Variants in SGCZ observed in about 807,000 individuals in gnomAD.
The protein encoded by SGCZ is sarcoglycan zeta.
Under a neutral mutation model 41.3 loss-of-function variants are expected in SGCZ, and 40 were observed. The observed-to-expected ratio is 0.97, with a 90% confidence interval of 0.75 to 1.26. SGCZ has a LOEUF of 1.26. Ranked by LOEUF, SGCZ falls within the 50% of genes most tolerant of loss-of-function variation. The pLI, the probability that SGCZ is intolerant of heterozygous loss-of-function variation, is 0.00. For missense variants in SGCZ, 552 were observed against 369.8 expected (o/e 1.49, Z -4.04); for synonymous variants, 206 against 137.5 (o/e 1.50, Z -3.49).
At chr8:14,568,813 C>T (rs1804463446) in intron 1 of SGCZ, among the ~76,000 whole-genome samples, 1 of 152,176 alleles carries the variant, frequency 6.6e-6, no homozygotes, top group Non-Finnish European at 1.5e-5. Context: ...TCATTACATC[C>T]ATGGGCTTCA....
At chr8:14,582,667 C>T (rs1480887160) in intron 1 of SGCZ, among the ~76,000 whole-genome samples, 5 of 116,608 alleles carry the variant, frequency 4.3e-5, no homozygotes, top group South Asian at 6.7e-4. Context: ...CCTCCCCCCA[C>T]CCCACAACAG....
chr8:14,541,919 A>G (rs923081369), intron 2 of SGCZ, among the ~76,000 whole-genome samples: 1 of 151,944 alleles, frequency 6.6e-6, no homozygotes, highest in African/African-American at 2.4e-5. Context: ...GTTGGCCACA[A>G]ATATGTCTTC....
intron 2 of SGCZ, among the ~76,000 whole-genome samples, chr8:14,360,741 A>G (rs1803481554): frequency 6.6e-6 from 1 of 152,220 alleles, no homozygotes. Flanking sequence ...TTTAGCTATT[A>G]TGAATAAAGC....
intron 1 of SGCZ, among the ~76,000 whole-genome samples, chr8:14,697,753 A>G (rs1809011529): frequency 6.6e-6 from 1 of 152,002 alleles, no homozygotes; most frequent in African/African-American, 2.4e-5. Context: ...GAATATCTTA[A>G]ATAACTTTAT....
intron 1 of SGCZ, among the ~76,000 whole-genome samples, chr8:14,617,296 T>A (rs1806136298): frequency 6.6e-6 from 1 of 152,176 alleles, no homozygotes; most frequent in Admixed American, 6.5e-5. Flanking sequence ...TGAACTTACA[T>A]GTGTGATTTG....
At chr8:14,105,584 A>T (rs1802179650) in intron 6 of SGCZ, among the ~76,000 whole-genome samples, 1 of 152,096 alleles carries the variant, frequency 6.6e-6, no homozygotes, top group African/African-American at 2.4e-5. Flanking sequence ...AAATAATTGA[A>T]TACCTACATA....
In SGCZ at chr8:14,148,491, C is replaced by A. The variant is rs189414879; in HGVS notation, c.547+16089G>T. ...TCCAGAGACTGAGCCAAGAAGAGAT[C>A]CAAAACCTGAACAGACCAATAAGAA... On this transcript the variant is annotated intron_variant, in intron 5 of 7. Transcript: ENST00000382080. Among the ~76,000 whole-genome samples, 5 of 151,872 alleles carry A rather than the reference C, an allele frequency of 3.3e-5. 1 individual carries two copies. The South Asian group carries it at 8.3e-4, about 25-fold the overall frequency.
chr8:14,174,305 A>G (rs1029650615), intron 4 of SGCZ, among the ~76,000 whole-genome samples: 3 of 152,172 alleles, frequency 2.0e-5, no homozygotes, highest in Non-Finnish European at 4.4e-5. Flanking sequence ...TAATGAGTCC[A>G]TAAACAGACT....
At chr8:14,108,519 A>G (rs188685261) in intron 5 of SGCZ, among the ~76,000 whole-genome samples, 1 of 152,234 alleles carries the variant, frequency 6.6e-6, no homozygotes, top group Admixed American at 6.5e-5. Flanking sequence ...AATGAGGAAG[A>G]CGCAAAAGCA....
At chr8:14,317,848 G>A (rs1283647523) in intron 3 of SGCZ, among the ~76,000 whole-genome samples, 4 of 151,998 alleles carry the variant, frequency 2.6e-5, no homozygotes, top group Admixed American at 2.0e-4. Context: ...ACCATAATTA[G>A]CTTCCCAACA....
chr8:14,852,630 C>T lies in SGCZ; in HGVS notation c.40-297704G>A, dbSNP rs943288321. Among the ~76,000 whole-genome samples, 19 of 152,302 alleles carry T rather than the reference C, an allele frequency of 1.2e-4. 1 individual carries two copies. Among genetic ancestry groups the T allele is most frequent in the Middle Eastern group, 6.8e-3 (2 of 294 alleles). On this transcript the variant is annotated intron_variant, in intron 1 of 7. Coordinates refer to ENST00000382080, the MANE Select transcript of SGCZ (RefSeq NM_139167.4). ...ATTTATTGACTTTTTTCCCTGCACG[C>T]CAGATGCCTATAGTCTCCCCTACAA... is the stretch of plus-strand genomic sequence containing the variant.
intron 1 of SGCZ, among the ~76,000 whole-genome samples, chr8:14,954,585 A>G (rs992848039): frequency 2.6e-5 from 4 of 152,086 alleles, no homozygotes; most frequent in Non-Finnish European, 5.9e-5. Context: ...GTACTCCCCT[A>G]CTGGCTTTGA....
chr8:14,639,038 C>CTTTTTTTTTTTTTTTTT (rs148778266), intron 1 of SGCZ, among the ~76,000 whole-genome samples: 2 of 137,614 alleles, frequency 1.5e-5, no homozygotes, highest in African/African-American at 2.7e-5. Context: ...AAACTGGAAT[C>CTTTTTTTTTTTTTTTTT]TTTTTTTTTT....
intron 1 of SGCZ, among the ~76,000 whole-genome samples, chr8:14,913,423 A>G (rs1164832850): frequency 6.6e-6 from 1 of 152,036 alleles, no homozygotes; most frequent in Non-Finnish European, 1.5e-5. Context: ...AAGATTCACT[A>G]TTCATTTTTC....
chr8:14,506,349 C>T (rs773273001), intron 2 of SGCZ, among the ~76,000 whole-genome samples: 7 of 152,222 alleles, frequency 4.6e-5, no homozygotes, highest in South Asian at 2.1e-4. Context: ...TACATTAGCT[C>T]CCGTTTCCTC....
intron 1 of SGCZ, among the ~76,000 whole-genome samples, chr8:14,744,565 G>C (rs759031343): frequency 8.5e-5 from 13 of 152,076 alleles, no homozygotes; most frequent in Non-Finnish European, 1.0e-4. Context: ...TGGAAGGCTT[G>C]TTGGATGGAG....
intron 1 of SGCZ, among the ~76,000 whole-genome samples, chr8:14,558,606 GAGAGA>G (rs760450919): frequency 0.017 from 2,506 of 149,848 alleles, 42 homozygotes; most frequent in African/African-American, 0.035. Flanking sequence ...GAGAGAGAGA[GAGAGA>G]GAATCTTCCA....
intron 5 of SGCZ, among the ~76,000 whole-genome samples, chr8:14,112,718 A>T (rs1429760434): frequency 6.6e-6 from 1 of 152,086 alleles, no homozygotes; most frequent in African/African-American, 2.4e-5. Context: ...TTTTATTTGT[A>T]AAATTAAAAA....
At chr8:14,720,674 T>A (rs1056549069) in intron 1 of SGCZ, among the ~76,000 whole-genome samples, 3 of 152,074 alleles carry the variant, frequency 2.0e-5, no homozygotes, top group Admixed American at 2.0e-4. Context: ...CATTTAAATA[T>A]TGTCTACTTC....
Sources: gnomAD v4.1 joint callset for allele counts (sites outside exome capture counted in the v4.1 genomes callset) on GRCh38, gnomAD v4.1.1 for gene constraint, MANE v1.5 for transcripts, NCBI Gene and HGNC (gene_info 2026-07-23, HGNC 2026-07-21) for gene names.